The following NRXN1 variants were observed in gnomAD, a reference collection of about 807,000 sequenced individuals.
NRXN1 encodes neurexin 1.
A neutral mutation model predicts 150.9 loss-of-function variants in NRXN1; 39 were observed. The ratio of observed to expected loss-of-function variants is 0.26; its 90% confidence interval spans 0.20 to 0.34. The LOEUF (loss-of-function observed/expected upper bound fraction) is 0.34. Among genes scored for constraint, NRXN1 ranks in the 10% least tolerant of loss-of-function variants. NRXN1 has a pLI of 1.00. For missense variants in NRXN1, 1,815 were observed against 1,949.9 expected (o/e 0.93, Z 1.30); for synonymous variants, 924 against 757.0 (o/e 1.22, Z -3.62).
intron 17 of NRXN1, among the ~76,000 whole-genome samples, chr2:50,251,915 T>C (rs548269479): frequency 6.6e-6 from 1 of 152,308 alleles, no homozygotes; most frequent in Non-Finnish European, 1.5e-5. Context: ...CCAGGTTCCT[T>C]GTAGATTCTG....
At chr2:50,219,963 TTATA>T (rs1358641617) in intron 18 of NRXN1, among the ~76,000 whole-genome samples, 2 of 60,734 alleles carry the variant, frequency 3.3e-5, no homozygotes, top group Non-Finnish European at 5.6e-5. Context: ...AATATATATA[TTATA>T]TATATATAAT....
At chr2:50,350,625 C>G in intron 17 of NRXN1, among the ~76,000 whole-genome samples, 1 of 152,120 alleles carries the variant, frequency 6.6e-6, no homozygotes, top group Non-Finnish European at 1.5e-5. Context: ...AAGGCTGGGA[C>G]TTTGGAGAGC....
chr2:50,199,537 TACAC>T (rs67959182), intron 18 of NRXN1, among the ~76,000 whole-genome samples: 246 of 149,436 alleles, frequency 1.6e-3, no homozygotes, highest in African/African-American at 5.2e-3. Context: ...CTCTTTCTTA[TACAC>T]ACACACACAC....
chr2:50,034,983 G>A (rs1009115710), intron 21 of NRXN1, among the ~76,000 whole-genome samples: 9 of 152,038 alleles, frequency 5.9e-5, no homozygotes, highest in Admixed American at 2.0e-4. Flanking sequence ...TTGGTTCTAT[G>A]TGTCATAAGT....
At position 50,506,565 on chromosome 2, in the gene NRXN1, C is replaced by A. The variant is rs776945993; in HGVS notation, c.2427G>T (p.Trp809Cys). ...FAGYNLNDNE[W>C]HTVRVVRRGK... ...CACGCCGAACTACACGCACTGTGTGCCACTCGTTATCATTGAGGTTATAGC... is the reference window on the plus strand; with the variant it reads ...CACGCCGAACTACACGCACTGTGTGACACTCGTTATCATTGAGGTTATAGC... The change falls in exon 13 of 23, where the codon TGG (tryptophan) becomes TGT (cysteine). Residue 809 changes from tryptophan to cysteine, a missense_variant. This residue lies in a region of NRXN1 where 638 missense variants were observed against 652.6 expected (regional missense o/e 0.98). Coordinates refer to ENST00000401669, the MANE Select transcript of NRXN1 (RefSeq NM_001330078.2). 1.2e-6 allele frequency: 2 copies of A among 1,613,170 alleles called. No individual in the cohort carries two copies.
chr2:50,853,072 T>C (rs764578993), intron 5 of NRXN1, among the ~76,000 whole-genome samples: 31 of 152,274 alleles, frequency 2.0e-4, no homozygotes, highest in Non-Finnish European at 3.4e-4. Flanking sequence ...AGACCACATA[T>C]ACCCAGGAAG....
At chr2:50,220,488 T>G (rs540253193) in intron 18 of NRXN1, among the ~76,000 whole-genome samples, 2 of 151,984 alleles carry the variant, frequency 1.3e-5, no homozygotes. Context: ...GAACATTCCA[T>G]GGGATTTGAA....
intron 5 of NRXN1, among the ~76,000 whole-genome samples, chr2:50,762,208 T>C (rs555598550): frequency 3.3e-5 from 5 of 151,890 alleles, no homozygotes; most frequent in African/African-American, 4.8e-5. Flanking sequence ...GGCATGATCA[T>C]AGCATGCTAC....
intron 5 of NRXN1, among the ~76,000 whole-genome samples, chr2:50,783,527 C>T (rs1170666421): frequency 6.6e-6 from 1 of 152,102 alleles, no homozygotes; most frequent in Non-Finnish European, 1.5e-5. Flanking sequence ...TTGTCCTGGA[C>T]ACTCTCATTC....
chr2:50,475,241 T>C (rs28684765), intron 15 of NRXN1, among the ~76,000 whole-genome samples: 9,552 of 152,106 alleles, frequency 0.063, 1,018 homozygotes, highest in African/African-American at 0.22. Context: ...TAGAATACTA[T>C]ATATTTATTA....
intron 18 of NRXN1, among the ~76,000 whole-genome samples, chr2:50,183,679 C>T (rs1259645048): frequency 6.7e-6 from 1 of 149,594 alleles, no homozygotes; most frequent in Admixed American, 6.8e-5. Context: ...ATACTATTGG[C>T]ATCTAGTGTG....
intron 17 of NRXN1, among the ~76,000 whole-genome samples, chr2:50,449,818 A>G (rs2086793226): frequency 6.6e-6 from 1 of 152,174 alleles, no homozygotes; most frequent in Admixed American, 6.5e-5. Context: ...TACCAATTAT[A>G]TAATTCCTAC....
chr2:50,253,844 G>A (rs1055266279), intron 17 of NRXN1, among the ~76,000 whole-genome samples: 1 of 150,040 alleles, frequency 6.7e-6, no homozygotes. Context: ...TTGCATCAGT[G>A]TTCATCCAGG....
chr2:50,921,613 C>T (rs1402509694), intron 5 of NRXN1, among the ~76,000 whole-genome samples: 1 of 151,294 alleles, frequency 6.6e-6, no homozygotes, highest in African/African-American at 2.4e-5. Context: ...AAACTTGTAG[C>T]TAATTTCTAA....
At chr2:50,624,509 A>T (rs535023316) in intron 5 of NRXN1, among the ~76,000 whole-genome samples, 6 of 152,112 alleles carry the variant, frequency 3.9e-5, no homozygotes, top group Non-Finnish European at 5.9e-5. Context: ...AGAGACAAAC[A>T]GTTTTATCAT....
chr2:50,627,414 T>C (rs569121461), intron 5 of NRXN1, among the ~76,000 whole-genome samples: 8 of 148,066 alleles, frequency 5.4e-5, no homozygotes, highest in Non-Finnish European at 1.0e-4. Flanking sequence ...AATAATTATA[T>C]ATGAAAACAA....
chr2:50,956,233 T>G (rs56159305), intron 2 of NRXN1, among the ~76,000 whole-genome samples: 36,375 of 152,108 alleles, frequency 0.24, 5,025 homozygotes, highest in Non-Finnish European at 0.31. Flanking sequence ...TATAAGTTAT[T>G]GCTGTTAACC....
At chr2:50,852,702 T>C (rs1189822570) in intron 5 of NRXN1, among the ~76,000 whole-genome samples, 1 of 152,182 alleles carries the variant, frequency 6.6e-6, no homozygotes, top group Non-Finnish European at 1.5e-5. Flanking sequence ...TTCTTGATAT[T>C]TTTCCTTAAG....
At chr2:50,045,011 TA>T (rs1691590924) in intron 21 of NRXN1, among the ~76,000 whole-genome samples, 2 of 152,270 alleles carry the variant, frequency 1.3e-5, no homozygotes, top group African/African-American at 2.4e-5. Flanking sequence ...AGATTTCATA[TA>T]AAGAGAATAG....
Sources: gnomAD v4.1 joint callset for allele counts (sites outside exome capture counted in the v4.1 genomes callset) on GRCh38, gnomAD v4.1.1 for gene constraint, gnomAD v4.1.1 regional missense constraint, MANE v1.5 for transcripts, NCBI Gene and HGNC (gene_info 2026-07-23, HGNC 2026-07-21) for gene names.